TMTC1: variants seen among roughly 807,000 people sequenced by gnomAD.
The protein encoded by TMTC1 is protein O-mannosyl-transferase TMTC1.
A neutral mutation model predicts 104.8 loss-of-function variants in TMTC1; 73 were observed. The observed-to-expected ratio is 0.70, with a 90% CI of 0.58 to 0.85. The LOEUF is 0.85. Ranked by LOEUF, TMTC1 falls within the 40% of genes least tolerant of loss-of-function variation. The pLI, the probability that TMTC1 is intolerant of heterozygous loss-of-function variation, is 0.00. For missense variants in TMTC1, 1,035 were observed against 1,096.1 expected (o/e 0.94, Z 0.79); for synonymous variants, 434 against 428.7 (o/e 1.01, Z -0.15).
At chr12:29,643,698 T>TA (rs1386310651) in intron 5 of TMTC1, among the ~76,000 whole-genome samples, 21 of 114 alleles carry the variant, frequency 0.18, 1 homozygote, top group Non-Finnish European at 0.23. Context: ...ATATTATATA[T>TA]ATTATATATT....
intron 10 of TMTC1, among the ~76,000 whole-genome samples, chr12:29,540,096 T>C (rs1010461703): frequency 3.4e-4 from 51 of 152,100 alleles, no homozygotes; most frequent in Non-Finnish European, 2.1e-4. Flanking sequence ...GGTAGGAAAA[T>C]GCTACCTAGA....
At chr12:29,600,016 T>A (rs1243973292) in intron 7 of TMTC1, among the ~76,000 whole-genome samples, 8 of 133,190 alleles carry the variant, frequency 6.0e-5, no homozygotes, top group African/African-American at 2.8e-4. Flanking sequence ...ATATTTTTTT[T>A]TTTTTTTCCC....
chr12:29,733,674 G>A lies in TMTC1; in HGVS notation c.938+17992C>T, dbSNP rs1942601354. Among the ~76,000 whole-genome samples, 3 of 152,112 alleles carry A rather than the reference G, an allele frequency of 2.0e-5. No individual in the cohort carries two copies. In the South Asian group the frequency reaches 6.2e-4, roughly 32 times the overall value. Reference sequence around the variant, plus strand: ...ATTCTGCCTTGTCACTCTCCTAGCTGCAACCTGACAAAATTTGCAGTCAGG... The same window carrying A: ...ATTCTGCCTTGTCACTCTCCTAGCTACAACCTGACAAAATTTGCAGTCAGG... On this transcript the variant is annotated intron_variant, in intron 5 of 17. Coordinates refer to ENST00000539277, the MANE Select transcript of TMTC1 (RefSeq NM_001193451.2).
chr12:29,739,726 C>T (rs1168100870), intron 5 of TMTC1, among the ~76,000 whole-genome samples: 5 of 151,526 alleles, frequency 3.3e-5, no homozygotes, highest in South Asian at 2.1e-4. Context: ...TTTTTTTTTC[C>T]GAGATGGGGT....
intron 5 of TMTC1, among the ~76,000 whole-genome samples, chr12:29,716,031 A>ATTATTT (rs1479434558): frequency 4.4e-5 from 6 of 135,504 alleles, no homozygotes; most frequent in Admixed American, 7.7e-5. Context: ...TATTATTATT[A>ATTATTT]TTTTAGAAAC....
intron 3 of TMTC1, among the ~76,000 whole-genome samples, chr12:29,756,518 CT>C (rs1356209366): frequency 2.0e-5 from 3 of 152,020 alleles, no homozygotes; most frequent in Non-Finnish European, 4.4e-5. Context: ...ACCTTTTTTT[CT>C]TTTGGCTAAA....
chr12:29,743,518 A>T (rs1387475316), intron 5 of TMTC1, among the ~76,000 whole-genome samples: 1 of 149,368 alleles, frequency 6.7e-6, no homozygotes, highest in Non-Finnish European at 1.5e-5. Context: ...TCAATTTTTG[A>T]AAAAAAAAAA....
At chr12:29,577,633 A>G (rs1000584215) in intron 8 of TMTC1, among the ~76,000 whole-genome samples, 2 of 152,088 alleles carry the variant, frequency 1.3e-5, no homozygotes, top group African/African-American at 2.4e-5. Context: ...CTTAGAGAGG[A>G]TCAGTGGTCC....
intron 5 of TMTC1, among the ~76,000 whole-genome samples, chr12:29,662,691 G>T (rs1352197152): frequency 6.7e-6 from 1 of 149,832 alleles, no homozygotes; most frequent in Non-Finnish European, 1.5e-5. Context: ...AAAAAAAGAG[G>T]ATTGCTTACA....
At chr12:29,712,720 T>C (rs1254393020) in intron 5 of TMTC1, among the ~76,000 whole-genome samples, 1 of 152,188 alleles carries the variant, frequency 6.6e-6, no homozygotes, top group African/African-American at 2.4e-5. Flanking sequence ...AAATCTATCC[T>C]TGCTCAGATG....
intron 10 of TMTC1, among the ~76,000 whole-genome samples, chr12:29,546,162 C>T (rs186627943): frequency 6.6e-6 from 1 of 152,314 alleles, no homozygotes; most frequent in Non-Finnish European, 1.5e-5. Context: ...TCACGTGATT[C>T]TCAGTCTGTA....
intron 5 of TMTC1, among the ~76,000 whole-genome samples, chr12:29,686,583 A>G (rs1181176767): frequency 6.6e-6 from 1 of 152,204 alleles, no homozygotes; most frequent in East Asian, 1.9e-4. Flanking sequence ...CTGAGCCAGT[A>G]GGAATCCACT....
At chr12:29,661,387 T>C (rs1172541866) in intron 5 of TMTC1, 1 of 943,254 alleles carries the variant, frequency 1.1e-6, no homozygotes, top group Non-Finnish European at 1.3e-6. Flanking sequence ...CCTCTAAAAA[T>C]AGAAGATGCC....
chr12:29,654,748 T>G (rs1231807517), intron 5 of TMTC1, among the ~76,000 whole-genome samples: 1 of 151,460 alleles, frequency 6.6e-6, no homozygotes, highest in African/African-American at 2.4e-5. Context: ...ATGTATGGTA[T>G]AGCCATATAA....
At chr12:29,512,442 G>A (rs545820585) in intron 16 of TMTC1, among the ~76,000 whole-genome samples, 1 of 151,690 alleles carries the variant, frequency 6.6e-6, no homozygotes, top group Admixed American at 6.5e-5. Context: ...TGTACTTTCT[G>A]GCCTTTTTTC....
At chr12:29,683,588 A>C (rs1207559870) in intron 5 of TMTC1, among the ~76,000 whole-genome samples, 1 of 152,190 alleles carries the variant, frequency 6.6e-6, no homozygotes, top group African/African-American at 2.4e-5. Context: ...ATAAACACTA[A>C]ATCATGGTCT....
intron 5 of TMTC1, among the ~76,000 whole-genome samples, chr12:29,642,346 C>G (rs144353600): frequency 3.9e-5 from 6 of 152,254 alleles, no homozygotes; most frequent in Non-Finnish European, 7.4e-5. Context: ...GACACAGAAG[C>G]ACCAGGTAAC....
intron 5 of TMTC1, among the ~76,000 whole-genome samples, chr12:29,750,207 C>A (rs1943056620): frequency 1.3e-5 from 2 of 152,174 alleles, no homozygotes; most frequent in South Asian, 4.1e-4. Context: ...CTTCTCCTCC[C>A]AATTTGCTAT....
At chr12:29,629,955 T>C (rs995833294) in intron 6 of TMTC1, among the ~76,000 whole-genome samples, 1 of 152,210 alleles carries the variant, frequency 6.6e-6, no homozygotes, top group Non-Finnish European at 1.5e-5. Context: ...CTATTTGCAA[T>C]ATTTAATCGT....
Sources: allele counts gnomAD v4.1 joint callset (sites outside exome capture counted in the v4.1 genomes callset), GRCh38; gene constraint gnomAD v4.1.1; transcripts MANE v1.5; gene names NCBI Gene and HGNC (gene_info 2026-07-23, HGNC 2026-07-21).